Variants in LTBP1 observed in about 807,000 individuals in gnomAD.
The protein encoded by LTBP1 is latent transforming growth factor beta binding protein 1.
Under a neutral mutation model 207.6 loss-of-function variants are expected in LTBP1, and 129 were observed. The ratio of observed to expected loss-of-function variants is 0.62; its 90% CI spans 0.54 to 0.72. The LOEUF (loss-of-function observed/expected upper bound fraction) is 0.72, where lower values mean the gene tolerates loss of function less well. LTBP1 is among the 30% of genes least tolerant of loss of function. The pLI is 0.00. For synonymous variants in LTBP1, 963 were observed against 833.7 expected, an observed-to-expected ratio of 1.16 and a Z score of -2.67; for missense variants, 2,281 against 2,217.2, an observed-to-expected ratio of 1.03 and a Z score of -0.58.
intron 7 of LTBP1, among the ~76,000 whole-genome samples, chr2:33,191,120 G>A (rs936021570): frequency 1.3e-5 from 2 of 152,160 alleles, no homozygotes; most frequent in Non-Finnish European, 2.9e-5. Context: ...TTTTAAAATT[G>A]TGTGCCCAGT....
intron 7 of LTBP1, among the ~76,000 whole-genome samples, chr2:33,206,915 A>G (rs957828212): frequency 1.3e-5 from 2 of 152,118 alleles, no homozygotes; most frequent in Non-Finnish European, 2.9e-5. Context: ...AATAAATTCG[A>G]TCTACTCACC....
chr2:33,055,028 T>C (rs219074), intron 3 of LTBP1, among the ~76,000 whole-genome samples: 106,375 of 152,076 alleles, frequency 0.7, 39,352 homozygotes, highest in Non-Finnish European at 0.83. Context: ...CTGCTCCATT[T>C]TCTGTCCTCT....
intron 5 of LTBP1, among the ~76,000 whole-genome samples, chr2:33,184,624 T>G (rs1217569601): frequency 6.6e-6 from 1 of 152,200 alleles, no homozygotes; most frequent in African/African-American, 2.4e-5. Flanking sequence ...AGTTACCGCT[T>G]ATTTGCTGAT....
chr2:33,296,943 C>T (rs1313711950), intron 20 of LTBP1, among the ~76,000 whole-genome samples: 1 of 152,084 alleles, frequency 6.6e-6, no homozygotes, highest in East Asian at 1.9e-4. Context: ...TGAGTTAAAG[C>T]AGGGGCAGAG....
chr2:32,977,717 C>T (rs954701430), intron 2 of LTBP1, among the ~76,000 whole-genome samples: 2 of 152,290 alleles, frequency 1.3e-5, no homozygotes, highest in African/African-American at 4.8e-5. Flanking sequence ...CTCTCACTCA[C>T]CACTCCCTTG....
chr2:33,280,582 T>A (rs955172297), intron 19 of LTBP1, among the ~76,000 whole-genome samples: 1 of 152,180 alleles, frequency 6.6e-6, no homozygotes, highest in Non-Finnish European at 1.5e-5. Flanking sequence ...GAAGACAGAG[T>A]AATGTATTTG....
chr2:33,178,440 G>GGT (rs1334341470), intron 5 of LTBP1, among the ~76,000 whole-genome samples: 1 of 152,168 alleles, frequency 6.6e-6, no homozygotes, highest in South Asian at 2.1e-4. Flanking sequence ...CATCTCATCT[G>GGT]GTGTGTGTGA....
At chr2:33,344,654 G>A (rs2094677436) in intron 25 of LTBP1, among the ~76,000 whole-genome samples, 1 of 152,086 alleles carries the variant, frequency 6.6e-6, no homozygotes, top group African/African-American at 2.4e-5. Context: ...AGCACCTTCA[G>A]CAAATTCTAT....
chr2:33,282,522 C>G (rs888731813), intron 19 of LTBP1, among the ~76,000 whole-genome samples: 4 of 152,136 alleles, frequency 2.6e-5, no homozygotes, highest in African/African-American at 7.2e-5. Flanking sequence ...TGCAGCATGC[C>G]TTTCTACTTA....
At chr2:33,193,484 A>G (rs2088155613) in intron 7 of LTBP1, among the ~76,000 whole-genome samples, 1 of 152,166 alleles carries the variant, frequency 6.6e-6, no homozygotes, top group African/African-American at 2.4e-5. Context: ...TGAAAGTTTT[A>G]GGGGTGAAAT....
At chr2:33,202,847 G>T (rs995628651) in intron 7 of LTBP1, among the ~76,000 whole-genome samples, 4 of 152,242 alleles carry the variant, frequency 2.6e-5, no homozygotes, top group Admixed American at 6.5e-5. Flanking sequence ...CTGCTGGGCA[G>T]TGACTGGGGA....
At chr2:33,128,410 C>G (rs2081572244) in intron 4 of LTBP1, among the ~76,000 whole-genome samples, 1 of 152,224 alleles carries the variant, frequency 6.6e-6, no homozygotes, top group Non-Finnish European at 1.5e-5. Context: ...GTTGATTGCT[C>G]TGCTCCTTAT....
intron 3 of LTBP1, among the ~76,000 whole-genome samples, chr2:33,109,744 G>A (rs768496769): frequency 2.6e-5 from 4 of 152,148 alleles, no homozygotes; most frequent in South Asian, 2.1e-4. Context: ...AAGCGGCATC[G>A]TAATTTATAT....
At position 33,138,967 on chromosome 2, in the gene LTBP1, T is replaced by C. The variant is rs1318836194; in HGVS notation, c.1201+4007T>C. Among the ~76,000 whole-genome samples, 7 of 146,710 alleles carry C rather than the reference T, an allele frequency of 4.8e-5. No individual in the cohort carries two copies. The East Asian group carries it at 1.2e-3, about 26-fold the overall frequency. ...TCCGCCTCCCGGGTTCACGCCATTCTCCTGCCTCAGCCTCCCGAGTAGCTG... is the reference window on the plus strand; with the variant it reads ...TCCGCCTCCCGGGTTCACGCCATTCCCCTGCCTCAGCCTCCCGAGTAGCTG... On this transcript the variant is annotated intron_variant, in intron 5 of 33. Transcript: ENST00000404816.
At chr2:33,378,181 A>ATGTG (rs1191265116) in intron 31 of LTBP1, among the ~76,000 whole-genome samples, 22 of 115,924 alleles carry the variant, frequency 1.9e-4, no homozygotes, top group Admixed American at 6.6e-4. Context: ...TCATATATAT[A>ATGTG]TATATGTGTG....
intron 2 of LTBP1, among the ~76,000 whole-genome samples, chr2:32,952,909 C>T (rs1677399938): frequency 6.6e-6 from 1 of 152,172 alleles, no homozygotes; most frequent in South Asian, 2.1e-4. Flanking sequence ...ACATTGCAGG[C>T]CTTCCATACA....
At chr2:33,267,910 T>C (rs1320785195) in intron 15 of LTBP1, among the ~76,000 whole-genome samples, 2 of 152,218 alleles carry the variant, frequency 1.3e-5, no homozygotes, top group Non-Finnish European at 2.9e-5. Context: ...AAAACACAAC[T>C]TGTTAGAGGC....
At chr2:33,258,445 G>A (rs187370140) in intron 12 of LTBP1, among the ~76,000 whole-genome samples, 1 of 152,186 alleles carries the variant, frequency 6.6e-6, no homozygotes, top group Non-Finnish European at 1.5e-5. Context: ...CCTTCTTGGT[G>A]AGGCAGGCTT....
chr2:33,378,723 C>G (rs2095175499), intron 31 of LTBP1, among the ~76,000 whole-genome samples: 1 of 152,186 alleles, frequency 6.6e-6, no homozygotes, highest in African/African-American at 2.4e-5. Flanking sequence ...CTTTTGACCT[C>G]TTCTTAACGA....
Sources: gnomAD v4.1 joint callset for allele counts (sites outside exome capture counted in the v4.1 genomes callset) on GRCh38, gnomAD v4.1.1 for gene constraint, MANE v1.5 for transcripts, NCBI Gene and HGNC (gene_info 2026-07-23, HGNC 2026-07-21) for gene names.